Variants in CCNB1 observed in about 807,000 individuals in gnomAD.
The protein encoded by CCNB1 is G2/mitotic-specific cyclin-B1.
CCNB1 carries 26 observed loss-of-function variants against 44.4 expected under a neutral mutation model. The ratio of observed to expected loss-of-function variants is 0.59; its 90% CI spans 0.43 to 0.81. The LOEUF is 0.81. CCNB1 is among the 40% of genes least tolerant of loss of function. The pLI, the probability that CCNB1 is intolerant of heterozygous loss-of-function variation, is 0.00. For synonymous variants in CCNB1, 195 were observed against 181.4 expected (o/e 1.08, Z -0.60); for missense variants, 477 against 520.9 (o/e 0.92, Z 0.82).
Position 69,174,305 on chromosome 5 carries a change from A to G in CCNB1, c.601A>G (p.Met201Val), listed in dbSNP as rs1396807132. ...ACTGGGTCGGGAAGTCACTGGAAAC[A>G]TGAGAGCCATCCTAATTGACTGGCT... is the stretch of plus-strand genomic sequence containing the variant. The part of the protein sequence containing the change: ...YLLGREVTGN[M>V]RAILIDWLVQ... Residue 201 changes from methionine to valine, a missense_variant, in exon 5 of 9, where the codon ATG (methionine) becomes GTG (valine). Coordinates refer to ENST00000256442, the MANE Select transcript of CCNB1 (RefSeq NM_031966.4). 1 of 1,614,140 alleles carries G rather than the reference A, an allele frequency of 6.2e-7. No homozygotes were observed.
Position 69,177,954 on chromosome 5 carries a change from G to A in CCNB1, c.*323G>A, listed in dbSNP as rs1258288545. The A allele has an allele frequency of 5.1e-6, 1 of 195,420 alleles. No homozygotes were observed. The highest frequency in any genetic ancestry group is 1.2e-4 in the South Asian group (1 of 8,484). The allele number at this position is 195,420 out of a possible 1,614,324, so 12.1% of individuals were successfully genotyped here. A position where few individuals can be genotyped will look rare whatever the true frequency, so the allele number is the denominator to read the frequency against. On this transcript the variant is annotated 3_prime_UTR_variant, in exon 9 of 9. Transcript: ENST00000256442. The stretch of plus-strand genomic sequence containing the variant: ...GTTACTGAAGGTGATGGAGGTATTT[G>A]AAAATTTTACTTCCATAGGACATAC...
At chr5:69,167,811 T>G (rs1580207656) in intron 1 of CCNB1, 97 bp from the exon 2 acceptor site, 20 of 1,157,718 alleles carry the variant, frequency 1.7e-5, no homozygotes, top group South Asian at 9.2e-5. Context: ...TAGTCGGCTT[T>G]CTTTCTGGGA....
At chr5:69,167,311 G>A (rs1747355354) in intron 1 of CCNB1, 28 bp downstream of exon 1, 2 of 1,601,838 alleles carry the variant, frequency 1.2e-6, no homozygotes, top group Non-Finnish European at 1.7e-6. Flanking sequence ...GCGAACTAAC[G>A]CGGCCTTCTT....
chr5:69,167,993 A>G lies in CCNB1; in HGVS notation c.107A>G (p.Lys36Arg). The G allele has an allele frequency of 6.2e-7, 1 of 1,614,260 alleles. No individual in the cohort carries two copies. Among genetic ancestry groups the G allele is most frequent in the Non-Finnish European group, 8.5e-7 (1 of 1,180,046 alleles). Residue 36 changes from lysine to arginine, a missense_variant, in exon 2 of 9, where the codon AAG becomes AGG. Coordinates refer to ENST00000256442, the MANE Select transcript of CCNB1 (RefSeq NM_031966.4). Reference protein sequence around the residue: ...RVPTAPAATSKPGLRPRTALG... With the variant: ...RVPTAPAATSRPGLRPRTALG... ...CCTACGGCCCCTGCTGCAACCTCCA[A>G]GCCCGGACTGAGGCCAAGAACAGCT...
Position 69,167,893 on chromosome 5 carries a change from T to TCTTG in CCNB1, c.22-11_22-8dup. 1 of 1,603,316 alleles carries TCTTG rather than the reference T, an allele frequency of 6.2e-7. No homozygotes were observed. Among genetic ancestry groups the TCTTG allele is most frequent in the Non-Finnish European group, 8.5e-7 (1 of 1,175,362 alleles). Reference sequence around the variant, plus strand: ...CTTCGTGGATCAGCTCTTAAAGTGGTCTTGCTTCTTTCAGAACTCGAAAAT... The same window carrying TCTTG: ...CTTCGTGGATCAGCTCTTAAAGTGGTCTTGCTTGCTTCTTTCAGAACTCGAAAAT... On this transcript the variant is annotated splice_polypyrimidine_tract_variant and intron_variant, in intron 1 of 8. Coordinates refer to ENST00000256442, the MANE Select transcript of CCNB1 (RefSeq NM_031966.4).
chr5:69,172,071 TTTG>T (rs1281984876), intron 4 of CCNB1, among the ~76,000 whole-genome samples: 3 of 152,206 alleles, frequency 2.0e-5, no homozygotes, highest in South Asian at 2.1e-4. Flanking sequence ...ACGTAGTTTT[TTTG>T]TTGTTGTTGT....
chr5:69,167,857 C>G (rs373480903), intron 1 of CCNB1, 51 bp from the exon 2 acceptor site: 6 of 1,519,590 alleles, frequency 3.9e-6, no homozygotes, highest in Non-Finnish European at 5.3e-6. Context: ...TAACCCTTGA[C>G]TTACTCGAGC....
chr5:69,177,320 A>C lies in CCNB1; in HGVS notation c.1165A>C (p.Met389Leu). 1 of 1,611,214 alleles carries C rather than the reference A, an allele frequency of 6.2e-7. No individual in the cohort carries two copies. Among genetic ancestry groups the C allele is most frequent in the Non-Finnish European group, 8.5e-7 (1 of 1,177,340 alleles). Residue 389 changes from methionine (M) to leucine (L), a missense_variant, in exon 8 of 9, where the codon ATG becomes CTG. Coordinates refer to ENST00000256442, the MANE Select transcript of CCNB1 (RefSeq NM_031966.4). ...VMQHLAKNVV[M>L]VNQGLTKHMT... ...GCAGCACCTGGCTAAGAATGTAGTCATGGTAAATCAAGGACTTACAAAGCA... is the reference window on the plus strand; with the variant it reads ...GCAGCACCTGGCTAAGAATGTAGTCCTGGTAAATCAAGGACTTACAAAGCA...
rs1747630705 is a variant in CCNB1, at chr5:69,177,781, A to G, written c.*150A>G. The G allele has an allele frequency of 1.8e-6, 1 of 566,456 alleles. No individual in the cohort carries two copies. Among genetic ancestry groups the G allele is most frequent in the Admixed American group, 3.6e-5 (1 of 28,158 alleles). 35.1% of individuals were successfully genotyped at this position (566,456 alleles called of 1,614,324 possible). On this transcript the variant is annotated 3_prime_UTR_variant, in exon 9 of 9. Transcript: ENST00000256442. ...ACTAATTTGAATGTGGTTACTTCCTACTGTAGGGTAGCGGAAAAGTTGTCT... is the reference window on the plus strand; with the variant it reads ...ACTAATTTGAATGTGGTTACTTCCTGCTGTAGGGTAGCGGAAAAGTTGTCT...
intron 1 of CCNB1, 105 bp from the exon 2 acceptor site, chr5:69,167,803 G>T (rs1230136016): frequency 5.7e-6 from 6 of 1,054,098 alleles, no homozygotes; most frequent in Non-Finnish European, 8.2e-6. Flanking sequence ...CCCATTTTTA[G>T]TCGGCTTTCT....
At chr5:69,176,551 T>C (rs555826908) in intron 7 of CCNB1, among the ~76,000 whole-genome samples, 3 of 149,470 alleles carry the variant, frequency 2.0e-5, no homozygotes, top group South Asian at 4.2e-4. Context: ...TATTTTTTTT[T>C]AGTAGAGATG....
chr5:69,168,245 C>T lies in CCNB1; in HGVS notation c.265C>T (p.Leu89=). The change falls in exon 3 of 9, where the codon CTG becomes TTG. Residue 89 remains leucine (L), a synonymous_variant. Transcript: ENST00000256442. ...LPKPLEKVPM[L]VPVPVSEPVP... is the part of the protein sequence containing the mutation. Reference sequence around the variant, plus strand: ...AAAACCTCTTGAAAAGGTACCTATGCTGGTGCCAGTGCCAGTGTCTGAGCC... The same window carrying T: ...AAAACCTCTTGAAAAGGTACCTATGTTGGTGCCAGTGCCAGTGTCTGAGCC... The T allele has an allele frequency of 6.2e-7, 1 of 1,614,130 alleles. No homozygotes were observed. Among genetic ancestry groups the T allele is most frequent in the East Asian group, 2.2e-5 (1 of 44,896 alleles).
At chr5:69,176,892 T>C (rs1747607689) in intron 7 of CCNB1, among the ~76,000 whole-genome samples, 1 of 151,316 alleles carries the variant, frequency 6.6e-6, no homozygotes, top group South Asian at 2.1e-4. Context: ...GGCAGGAGAA[T>C]CACTTGAACC....
intron 4 of CCNB1, among the ~76,000 whole-genome samples, chr5:69,173,976 C>T (rs1747521343): frequency 6.6e-6 from 1 of 152,064 alleles, no homozygotes; most frequent in African/African-American, 2.4e-5. Flanking sequence ...GCCATGTTGG[C>T]CAGGCTGGTC....
rs192536562 is a variant in CCNB1, at chr5:69,169,928, G to A, written c.364-1342G>A. On this transcript the variant is annotated intron_variant, in intron 3 of 8. Coordinates refer to ENST00000256442, the MANE Select transcript of CCNB1 (RefSeq NM_031966.4). The stretch of plus-strand genomic sequence containing the variant: ...GCCTCCCAAAGTGCTGGGATTACAG[G>A]TGTGAGCCACCATGCCCAGCCTTAG... Among the ~76,000 whole-genome samples, 981 of 151,870 alleles carry A rather than the reference G, an allele frequency of 6.5e-3. 6 individuals are homozygous for A. Among genetic ancestry groups the A allele is most frequent in the African/African-American group, 0.022 (923 of 41,404 alleles).
Position 69,177,325 on chromosome 5 carries a change from A to G in CCNB1, c.1170A>G (p.Val390=), listed in dbSNP as rs777817782. ...MQHLAKNVVM[V]NQGLTKHMTV... is the part of the protein sequence containing the mutation. ...ACCTGGCTAAGAATGTAGTCATGGTAAATCAAGGACTTACAAAGCACATGG... is the reference window on the plus strand; with the variant it reads ...ACCTGGCTAAGAATGTAGTCATGGTGAATCAAGGACTTACAAAGCACATGG... Residue 390 remains valine, a synonymous_variant, in exon 8 of 9, where the codon GTA becomes GTG. Transcript: ENST00000256442. 1 of 1,610,108 alleles carries G rather than the reference A, an allele frequency of 6.2e-7. No homozygotes were observed. Among genetic ancestry groups the G allele is most frequent in the Non-Finnish European group, 8.5e-7 (1 of 1,176,332 alleles).
At chr5:69,177,388 G>A in intron 8 of CCNB1, 39 bp downstream of exon 8, 1 of 1,415,058 alleles carries the variant, frequency 7.1e-7, no homozygotes, top group Non-Finnish European at 1.0e-6. Context: ...GCTGAAAAGT[G>A]TAATAATTCA....
intron 1 of CCNB1, 82 bp from the exon 2 acceptor site, chr5:69,167,826 C>T (rs577627491): frequency 2.3e-6 from 3 of 1,295,486 alleles, no homozygotes; most frequent in Non-Finnish European, 3.2e-6. Flanking sequence ...CTGGGAACTT[C>T]TCCTTGTGCC....
In CCNB1 at chr5:69,174,425, A is replaced by G; in HGVS notation, c.705+16A>G. On this transcript the variant is annotated intron_variant, in intron 5 of 8. Transcript: ENST00000256442. ...GTTCATGCAGGTGAGCATTTCAGTA[A>G]GAGTTTTCCCTTCCAGGATTCTAGC... 6.2e-7 allele frequency: 1 copy of G among 1,611,844 alleles called. No individual in the cohort carries two copies. The highest frequency in any genetic ancestry group is 8.5e-7 in the Non-Finnish European group (1 of 1,178,858).
Sources: gnomAD v4.1 joint callset for allele counts (sites outside exome capture counted in the v4.1 genomes callset) on GRCh38, gnomAD v4.1.1 for gene constraint, MANE v1.5 for transcripts, NCBI Gene and HGNC (gene_info 2026-07-23, HGNC 2026-07-21) for gene names.